Variants in CCDC81 observed in about 807,000 individuals in gnomAD.
The protein encoded by CCDC81 is coiled-coil domain-containing protein 81.
Under a neutral mutation model 83.7 loss-of-function variants are expected in CCDC81, and 79 were observed. The ratio of observed to expected loss-of-function variants is 0.94; its 90% CI spans 0.79 to 1.14. The LOEUF is 1.14. Ranked by LOEUF, CCDC81 falls within the 50% of genes most tolerant of loss-of-function variation. CCDC81 has a pLI of 0.00. For synonymous variants in CCDC81, 252 were observed against 278.1 expected (o/e 0.91, Z 0.93); for missense variants, 791 against 778.1 (o/e 1.02, Z -0.20).
chr11:86,385,284 C>CTGAG (rs978194433), intron 1 of CCDC81, among the ~76,000 whole-genome samples: 3 of 152,108 alleles, frequency 2.0e-5, no homozygotes, highest in African/African-American at 7.2e-5. Flanking sequence ...ACTCGGGAGG[C>CTGAG]TGAGGCAGGA....
At position 86,422,798 on chromosome 11, in the gene CCDC81, T is replaced by C; in HGVS notation, c.*83T>C. Reference sequence around the variant, plus strand: ...GGGTGATTGTGAAACTGCGTATTTTTACCTCAGAGAAAAAAATCATTGTTT... The same window carrying C: ...GGGTGATTGTGAAACTGCGTATTTTCACCTCAGAGAAAAAAATCATTGTTT... On this transcript the variant is annotated 3_prime_UTR_variant, in exon 15 of 15. Coordinates refer to ENST00000445632, the MANE Select transcript of CCDC81 (RefSeq NM_001156474.2). 7.4e-7 allele frequency: 1 copy of C among 1,345,272 alleles called. No individual in the cohort carries two copies. The highest frequency in any genetic ancestry group is 1.5e-5 in the African/African-American group (1 of 68,444). 83.3% of individuals were successfully genotyped at this position (1,345,272 alleles called of 1,614,324 possible).
In CCDC81 at chr11:86,411,357, G is replaced by T. The variant is rs190146950; in HGVS notation, c.1219-1030G>T. On this transcript the variant is annotated intron_variant, in intron 10 of 14. Transcript: ENST00000445632. ...AGTGAAGGTGATTCATTTTCTCCATGGAAAAACCTTCCCTAATAACCAACC... is the reference window on the plus strand; with the variant it reads ...AGTGAAGGTGATTCATTTTCTCCATTGAAAAACCTTCCCTAATAACCAACC... 5.3e-5 allele frequency among the ~76,000 whole-genome samples: 8 copies of T among 152,250 alleles called. 1 individual carries two copies. The highest frequency in any genetic ancestry group is 2.6e-4 in the Admixed American group (4 of 15,296).
At chr11:86,392,199 G>T (rs1047388286) in intron 3 of CCDC81, among the ~76,000 whole-genome samples, 1 of 152,158 alleles carries the variant, frequency 6.6e-6, no homozygotes, top group Non-Finnish European at 1.5e-5. Flanking sequence ...AGATAAGGGG[G>T]ATGAAAACTT....
At chr11:86,383,817 C>A (rs1948205028) in intron 1 of CCDC81, among the ~76,000 whole-genome samples, 2 of 152,260 alleles carry the variant, frequency 1.3e-5, no homozygotes, top group Middle Eastern at 3.4e-3. Context: ...GGGCCTAAAG[C>A]CTCCTAAGGC....
At chr11:86,418,193 T>C (rs1948746847) in intron 13 of CCDC81, among the ~76,000 whole-genome samples, 1 of 152,138 alleles carries the variant, frequency 6.6e-6, no homozygotes, top group South Asian at 2.1e-4. Context: ...TCCATCAGGA[T>C]AGCTACTATG....
intron 1 of CCDC81, among the ~76,000 whole-genome samples, chr11:86,381,669 T>G (rs561794033): frequency 6.6e-6 from 1 of 152,252 alleles, no homozygotes; most frequent in Non-Finnish European, 1.5e-5. Context: ...CAGTTTGTCC[T>G]GTGTCCTCCC....
At chr11:86,385,002 T>C (rs1948221864) in intron 1 of CCDC81, among the ~76,000 whole-genome samples, 1 of 152,254 alleles carries the variant, frequency 6.6e-6, no homozygotes, top group Non-Finnish European at 1.5e-5. Flanking sequence ...CTTGGAAGGC[T>C]TTCCTCCAGT....
chr11:86,395,105 T>A, intron 4 of CCDC81: 1 of 369,050 alleles, frequency 2.7e-6, no homozygotes, highest in Non-Finnish European at 4.9e-6. Flanking sequence ...AGGAAATGGT[T>A]TGAGAAAAGG....
intron 7 of CCDC81, among the ~76,000 whole-genome samples, chr11:86,403,391 A>AT (rs1948520228): frequency 1.3e-5 from 2 of 152,110 alleles, no homozygotes; most frequent in African/African-American, 4.8e-5. Context: ...AGTGCACAGA[A>AT]GTTTAAAATA....
At chr11:86,398,467 T>C (rs999473480) in intron 6 of CCDC81, among the ~76,000 whole-genome samples, 25 of 152,218 alleles carry the variant, frequency 1.6e-4, no homozygotes, top group African/African-American at 5.8e-4. Context: ...TGTCTGCATC[T>C]AATCTGTTGT....
At position 86,375,248 on chromosome 11, in the gene CCDC81, C is replaced by A. The variant is rs1360242657; in HGVS notation, c.79+6C>A. The A allele has an allele frequency of 6.2e-7, 1 of 1,607,372 alleles. No individual in the cohort carries two copies. Among genetic ancestry groups the A allele is most frequent in the Non-Finnish European group, 8.5e-7 (1 of 1,179,010 alleles). On this transcript the variant is annotated splice_donor_region_variant and intron_variant, in intron 1 of 14. Transcript: ENST00000445632. ...GCCCTCGCTGAGCCAGGAGGGTAAG[C>A]GTGTTGGGTAGCAGGGGGTGGCCCT...
intron 2 of CCDC81, 82 bp downstream of exon 2, chr11:86,386,194 A>G (rs1948239572): frequency 2.3e-6 from 1 of 426,828 alleles, no homozygotes; most frequent in Non-Finnish European, 3.7e-6. Flanking sequence ...CTTCCTTCAT[A>G]GTCTTATATA....
chr11:86,407,949 A>C (rs1948584190), intron 8 of CCDC81, among the ~76,000 whole-genome samples, 178 bp from the exon 9 acceptor site: 1 of 152,248 alleles, frequency 6.6e-6, no homozygotes, highest in African/African-American at 2.4e-5. Flanking sequence ...GTGAGAGTTC[A>C]GAAGATCCTT....
rs147945861 is a variant in CCDC81, at chr11:86,384,768, G to A, written c.80-1283G>A. Reference sequence around the variant, plus strand: ...GATTTTTTATTTTGAGAATTAAAACGTAACAGTCTTGATTTGCAGAGAGTT... The same window carrying A: ...GATTTTTTATTTTGAGAATTAAAACATAACAGTCTTGATTTGCAGAGAGTT... On this transcript the variant is annotated intron_variant, in intron 1 of 14. Transcript: ENST00000445632. Among the ~76,000 whole-genome samples, 714 of 152,290 alleles carry A rather than the reference G, an allele frequency of 4.7e-3. 7 individuals carry two copies. Among genetic ancestry groups the A allele is most frequent in the African/African-American group, 0.017 (692 of 41,552 alleles).
rs1348315167 is a variant in CCDC81, at chr11:86,403,997, T to G, written c.881+3196T>G. Among the ~76,000 whole-genome samples the G allele has an allele frequency of 2.0e-5, 3 of 152,048 alleles. No homozygotes were observed. In the East Asian group the frequency reaches 5.8e-4, roughly 29 times the overall value. On this transcript the variant is annotated intron_variant, in intron 7 of 14. Transcript: ENST00000445632. ...TCAAAATAGGGACTACTATAGGAAG[T>G]GCAAATTTGGCTGGTGCTGAAGGGC...
At chr11:86,406,398 CT>C (rs1948566955) in intron 7 of CCDC81, among the ~76,000 whole-genome samples, 1 of 152,198 alleles carries the variant, frequency 6.6e-6, no homozygotes, top group Admixed American at 6.5e-5. Context: ...AAATTCTTAT[CT>C]GTTATTTTCT....
At chr11:86,402,322 T>C (rs1237197670) in intron 7 of CCDC81, among the ~76,000 whole-genome samples, 1 of 152,140 alleles carries the variant, frequency 6.6e-6, no homozygotes, top group Non-Finnish European at 1.5e-5. Context: ...TTTCAATGCA[T>C]ATACAATATA....
At chr11:86,393,383 C>CA (rs1948360839) in intron 4 of CCDC81, among the ~76,000 whole-genome samples, 2 of 152,058 alleles carry the variant, frequency 1.3e-5, no homozygotes, top group African/African-American at 4.8e-5. Flanking sequence ...AAACTTCTTC[C>CA]ACATGTATTA....
At position 86,395,431 on chromosome 11, in the gene CCDC81, C is replaced by T. The variant is rs1948393390; in HGVS notation, c.635+18C>T. Reference sequence around the variant, plus strand: ...TTTCCAAGGTGAGTGCTTTGCTTCACGGGTTCCTCTAGGCACTAGCACTCC... The same window carrying T: ...TTTCCAAGGTGAGTGCTTTGCTTCATGGGTTCCTCTAGGCACTAGCACTCC... On this transcript the variant is annotated intron_variant, in intron 5 of 14. Coordinates refer to ENST00000445632, the MANE Select transcript of CCDC81 (RefSeq NM_001156474.2). 6.2e-6 allele frequency: 10 copies of T among 1,609,236 alleles called. No homozygotes were observed. Among genetic ancestry groups the T allele is most frequent in the East Asian group, 4.5e-5 (2 of 44,818 alleles).
Sources: allele counts gnomAD v4.1 joint callset (sites outside exome capture counted in the v4.1 genomes callset), GRCh38; gene constraint gnomAD v4.1.1; transcripts MANE v1.5; gene names NCBI Gene and HGNC (gene_info 2026-07-23, HGNC 2026-07-21).